Variants in VPS13A observed in about 807,000 individuals in gnomAD.
VPS13A encodes intermembrane lipid transfer protein VPS13A.
In VPS13A, 264 loss-of-function variants were observed where a neutral mutation model predicts 390.9. That is an observed-to-expected ratio of 0.68 (90% CI 0.61 to 0.75). VPS13A has a LOEUF of 0.75. Ranked by LOEUF, VPS13A falls within the 30% of genes least tolerant of loss-of-function variation. The pLI, the probability that VPS13A is intolerant of heterozygous loss-of-function variation, is 0.00. For synonymous variants in VPS13A, 1,231 were observed against 1,227.1 expected (o/e 1.00, Z -0.07); for missense variants, 3,409 against 3,733.9 (o/e 0.91, Z 2.27).
chr9:77,301,676 T>A (rs1345529632), intron 33 of VPS13A, among the ~76,000 whole-genome samples: 1 of 152,206 alleles, frequency 6.6e-6, no homozygotes, highest in African/African-American at 2.4e-5. Flanking sequence ...GAGGCTTCTA[T>A]GGTCACATTG....
intron 19 of VPS13A, among the ~76,000 whole-genome samples, chr9:77,240,275 T>C (rs1824399404): frequency 6.6e-6 from 1 of 151,372 alleles, no homozygotes; most frequent in African/African-American, 2.4e-5. Context: ...TTAATAGAGA[T>C]GGGGTTTCAC....
chr9:77,388,826 A>T (rs148593369), intron 68 of VPS13A, among the ~76,000 whole-genome samples: 1 of 152,310 alleles, frequency 6.6e-6, no homozygotes, highest in Admixed American at 6.5e-5. Flanking sequence ...TGTTAACTAC[A>T]TTATGTCTAC....
chr9:77,366,988 G>A (rs1043508988), intron 61 of VPS13A, 116 bp downstream of exon 61: 12 of 1,048,522 alleles, frequency 1.1e-5, no homozygotes, highest in Non-Finnish European at 1.6e-5. Context: ...GGCAAAATGA[G>A]GTTTTTGCAT....
intron 31 of VPS13A, among the ~76,000 whole-genome samples, chr9:77,284,628 A>G (rs1474874197): frequency 6.6e-6 from 1 of 152,194 alleles, no homozygotes; most frequent in Non-Finnish European, 1.5e-5. Context: ...ACAGAAATAA[A>G]GTATCTACGA....
chr9:77,310,939 T>C (rs1829036510), intron 35 of VPS13A, among the ~76,000 whole-genome samples: 1 of 152,116 alleles, frequency 6.6e-6, no homozygotes, highest in Non-Finnish European at 1.5e-5. Context: ...ATTTTTTTTT[T>C]TTTTGAGACA....
chr9:77,346,726 A>C (rs1831176421), intron 52 of VPS13A, among the ~76,000 whole-genome samples: 1 of 152,224 alleles, frequency 6.6e-6, no homozygotes, highest in African/African-American at 2.4e-5. Context: ...ATCCAATTTT[A>C]TTCTTCTACA....
intron 17 of VPS13A, among the ~76,000 whole-genome samples, chr9:77,228,908 T>C (rs1017529477): frequency 6.6e-6 from 1 of 151,324 alleles, no homozygotes; most frequent in Non-Finnish European, 1.5e-5. Flanking sequence ...ATGAGACTTA[T>C]TCACTACCAT....
chr9:77,275,717 A>T, intron 25 of VPS13A, 65 bp downstream of exon 25: 1 of 1,510,436 alleles, frequency 6.6e-7, no homozygotes, highest in Non-Finnish European at 9.2e-7. Flanking sequence ...ACAGCTTACT[A>T]TATAGTCTCA....
intron 4 of VPS13A, 51 bp downstream of exon 4, chr9:77,205,459 G>T: frequency 3.5e-6 from 3 of 869,250 alleles, no homozygotes; most frequent in Admixed American, 6.3e-5. Context: ...TTTTATGGAT[G>T]GAAAAATATT....
At chr9:77,316,850 A>G (rs562941150) in intron 39 of VPS13A, among the ~76,000 whole-genome samples, 2 of 152,086 alleles carry the variant, frequency 1.3e-5, no homozygotes, top group Admixed American at 1.3e-4. Context: ...ACCTTCAGCC[A>G]TTTGCTTTGA....
At chr9:77,382,602 A>G in intron 68 of VPS13A, 4 of 1,067,812 alleles carry the variant, frequency 3.7e-6, no homozygotes, top group Non-Finnish European at 4.5e-6. Context: ...TATACCAGAT[A>G]TATAATCCTT....
chr9:77,405,818 T>C, intron 69 of VPS13A, 46 bp from the exon 70 acceptor site: 1 of 1,607,854 alleles, frequency 6.2e-7, no homozygotes, highest in Admixed American at 1.7e-5. Context: ...TGGATATAAG[T>C]GCCTCAATTT....
At position 77,364,270 on chromosome 9, in the gene VPS13A, C is replaced by A. The variant is rs554316522; in HGVS notation, c.8212-1190C>A. On this transcript the variant is annotated intron_variant, in intron 59 of 71. Transcript: ENST00000360280. ...TGAAACCCCATCTCTACTAAAAATA[C>A]AAAAATTAGCCAGGCGTGTTGGCAG... 1.5e-3 allele frequency among the ~76,000 whole-genome samples: 235 copies of A among 152,026 alleles called. 1 individual carries two copies. The highest frequency in any genetic ancestry group is 5.5e-3 in the African/African-American group (227 of 41,504).
At chr9:77,233,042 T>TA (rs1823926612) in intron 17 of VPS13A, among the ~76,000 whole-genome samples, 1 of 152,218 alleles carries the variant, frequency 6.6e-6, no homozygotes, top group Non-Finnish European at 1.5e-5. Flanking sequence ...ATAAGTAGGA[T>TA]CTGTAGGTTA....
chr9:77,195,460 G>A (rs899080538), intron 1 of VPS13A, among the ~76,000 whole-genome samples: 10 of 152,032 alleles, frequency 6.6e-5, no homozygotes, highest in East Asian at 3.9e-4. Context: ...TCGGTGTCCC[G>A]GTGCAGTGGC....
chr9:77,271,847 C>T (rs1416353231), intron 23 of VPS13A, among the ~76,000 whole-genome samples: 2 of 152,126 alleles, frequency 1.3e-5, no homozygotes, highest in African/African-American at 2.4e-5. Context: ...AATTTCAAAA[C>T]ATTAAAAGTT....
In VPS13A at chr9:77,337,297, G is replaced by T. The variant is rs112684300; in HGVS notation, c.6138G>T (p.Met2046Ile). Residue 2046 changes from methionine (M) to isoleucine (I), a missense_variant, in exon 47 of 72, where the codon ATG becomes ATT. Physicochemically the swap from Met to Ile is conservative, Grantham distance 10. Around this residue, in one of 5 missense-constraint regions of VPS13A, gnomAD observed 2,717 missense variants for 2,917.4 expected, o/e 0.93. Coordinates refer to ENST00000360280, the MANE Select transcript of VPS13A (RefSeq NM_033305.3). ...AGCCAGAAGATGAGAACTATCAAAT[G>T]TGTGAAGGAATTGACTTTGAAGAGA... is the stretch of plus-strand genomic sequence containing the variant. The part of the protein sequence containing the change: ...FLKPEDENYQ[M>I]CEGIDFEEII... The T allele has an allele frequency of 1.2e-6, 2 of 1,612,940 alleles. No individual in the cohort carries two copies. Among genetic ancestry groups the T allele is most frequent in the Non-Finnish European group, 1.7e-6 (2 of 1,179,676 alleles).
intron 45 of VPS13A, among the ~76,000 whole-genome samples, chr9:77,329,449 G>A (rs1830173465): frequency 2.0e-5 from 3 of 152,176 alleles, no homozygotes; most frequent in African/African-American, 7.2e-5. Context: ...TTTGAAAGAG[G>A]CCATTGGAGG....
intron 1 of VPS13A, among the ~76,000 whole-genome samples, chr9:77,187,838 T>C (rs1194400991): frequency 6.6e-6 from 1 of 152,114 alleles, no homozygotes; most frequent in Non-Finnish European, 1.5e-5. Flanking sequence ...ACCCGATAGA[T>C]AGTTTTTTGA....
Sources: allele counts gnomAD v4.1 joint callset (sites outside exome capture counted in the v4.1 genomes callset), GRCh38; gene constraint gnomAD v4.1.1; regional missense constraint gnomAD v4.1.1; transcripts MANE v1.5; gene names NCBI Gene and HGNC (gene_info 2026-07-23, HGNC 2026-07-21).